Variants in PTPRD observed in about 807,000 individuals in gnomAD.
The protein encoded by PTPRD is receptor-type tyrosine-protein phosphatase delta.
Under a neutral mutation model 214.5 loss-of-function variants are expected in PTPRD, and 34 were observed. That is an observed-to-expected ratio of 0.16 (90% CI 0.12 to 0.21). The LOEUF (loss-of-function observed/expected upper bound fraction) is 0.21, where lower values mean the gene tolerates loss of function less well. PTPRD is among the 10% of genes least tolerant of loss of function. The pLI, the probability that PTPRD is intolerant of heterozygous loss-of-function variation, is 1.00. For missense variants in PTPRD, 2,545 were observed against 2,398.7 expected (o/e 1.06, Z -1.27); for synonymous variants, 1,128 against 845.7 (o/e 1.33, Z -5.79).
chr9:9,230,737 G>C (rs1365426423), intron 9 of PTPRD, among the ~76,000 whole-genome samples: 7 of 152,086 alleles, frequency 4.6e-5, no homozygotes, highest in African/African-American at 9.7e-5. Context: ...TAGAGAAACA[G>C]TGTTTCTCCA....
At chr9:8,660,410 T>C (rs908436007) in intron 12 of PTPRD, among the ~76,000 whole-genome samples, 31 of 152,198 alleles carry the variant, frequency 2.0e-4, no homozygotes, top group Non-Finnish European at 4.4e-4. Context: ...TGGTGGCAGA[T>C]GACTGGGTCA....
At chr9:9,412,157 T>C (rs2075655293) in intron 8 of PTPRD, among the ~76,000 whole-genome samples, 1 of 152,206 alleles carries the variant, frequency 6.6e-6, no homozygotes, top group South Asian at 2.1e-4. Flanking sequence ...CTTTTCTTTT[T>C]TTGGCCAGAA....
chr9:10,241,203 T>C (rs985513355), intron 3 of PTPRD, among the ~76,000 whole-genome samples: 1 of 151,958 alleles, frequency 6.6e-6, no homozygotes, highest in Non-Finnish European at 1.5e-5. Context: ...TTATATCAAG[T>C]GTTAGTGAGG....
At chr9:9,923,636 C>T (rs1448499710) in intron 5 of PTPRD, among the ~76,000 whole-genome samples, 2 of 151,832 alleles carry the variant, frequency 1.3e-5, no homozygotes, top group Non-Finnish European at 2.9e-5. Flanking sequence ...GGGAATCAGG[C>T]TGGCATCAAA....
chr9:10,143,659 T>C lies in PTPRD; in HGVS notation c.-544-109869A>G, dbSNP rs561778627. On this transcript the variant is annotated intron_variant, in intron 3 of 45. Transcript: ENST00000381196. ...AGCAAAGACATGGAGTTAACTCAGG[T>C]GTCCATCAACAGTGGGTTGCATAAA... Among the ~76,000 whole-genome samples, 3 of 152,196 alleles carry C rather than the reference T, an allele frequency of 2.0e-5. No homozygotes were observed. The Middle Eastern group carries it at 0.01, about 518-fold the overall frequency.
intron 8 of PTPRD, among the ~76,000 whole-genome samples, chr9:9,552,989 A>T (rs1321069720): frequency 2.0e-5 from 3 of 152,100 alleles, no homozygotes; most frequent in African/African-American, 7.2e-5. Flanking sequence ...TCCATTTCAA[A>T]AAATGAAAGC....
intron 23 of PTPRD, 106 bp from the exon 24 acceptor site, chr9:8,501,165 T>A (rs2097397121): frequency 1.2e-6 from 1 of 811,682 alleles, no homozygotes; most frequent in Non-Finnish European, 1.9e-6. Flanking sequence ...AAACGAACAA[T>A]AAGGACAAAA....
intron 2 of PTPRD, among the ~76,000 whole-genome samples, chr9:10,538,446 T>C (rs1171952740): frequency 6.6e-6 from 1 of 152,040 alleles, no homozygotes; most frequent in Non-Finnish European, 1.5e-5. Flanking sequence ...AAAAATCAAT[T>C]ATTTTCAGGA....
chr9:8,343,888 G>A lies in PTPRD; in HGVS notation c.4662-1910C>T, dbSNP rs144984905. ...TAAGGTAAGCCTACTTAGGAAGCAG[G>A]ACTCTTCAGACCATGCAAAATCCTA... is the stretch of plus-strand genomic sequence containing the variant. On this transcript the variant is annotated intron_variant, in intron 39 of 45. Coordinates refer to ENST00000381196, the MANE Select transcript of PTPRD (RefSeq NM_002839.4). Among the ~76,000 whole-genome samples, 128 of 152,110 alleles carry A rather than the reference G, an allele frequency of 8.4e-4. 1 individual carries two copies. Among genetic ancestry groups the A allele is most frequent in the African/African-American group, 3.0e-3 (125 of 41,512 alleles).
chr9:9,825,368 G>A (rs905990208), intron 5 of PTPRD, among the ~76,000 whole-genome samples: 1 of 150,570 alleles, frequency 6.6e-6, no homozygotes. Flanking sequence ...GACACAGAGA[G>A]AGACACAGAG....
At chr9:9,132,358 G>A (rs1036054130) in intron 10 of PTPRD, among the ~76,000 whole-genome samples, 3 of 152,118 alleles carry the variant, frequency 2.0e-5, no homozygotes, top group Admixed American at 6.5e-5. Flanking sequence ...TGCATGATTT[G>A]GGTAAAGTCC....
At chr9:8,828,244 T>C (rs1367641884) in intron 11 of PTPRD, among the ~76,000 whole-genome samples, 1 of 152,242 alleles carries the variant, frequency 6.6e-6, no homozygotes, top group Non-Finnish European at 1.5e-5. Flanking sequence ...TGTATCTCCC[T>C]AAATTCATAT....
At chr9:8,995,531 G>C (rs1296497336) in intron 11 of PTPRD, among the ~76,000 whole-genome samples, 5 of 151,906 alleles carry the variant, frequency 3.3e-5, no homozygotes, top group African/African-American at 1.2e-4. Flanking sequence ...AGGTGTATGG[G>C]GCTCTTACAG....
intron 2 of PTPRD, among the ~76,000 whole-genome samples, chr9:10,580,486 T>A (rs2071349291): frequency 6.6e-6 from 1 of 152,192 alleles, no homozygotes; most frequent in African/African-American, 2.4e-5. Flanking sequence ...TTGTTTCCTT[T>A]GTTTTACATT....
At chr9:10,168,011 C>T (rs1220423884) in intron 3 of PTPRD, among the ~76,000 whole-genome samples, 1 of 152,158 alleles carries the variant, frequency 6.6e-6, no homozygotes, top group Non-Finnish European at 1.5e-5. Flanking sequence ...GACCATTATC[C>T]TTGGAAGTGA....
intron 2 of PTPRD, among the ~76,000 whole-genome samples, chr9:10,367,523 G>A (rs13294671): frequency 0.053 from 8,014 of 152,162 alleles, 229 homozygotes; most frequent in South Asian, 0.088. Context: ...AAAGTTTCAC[G>A]TCCTGGAAGC....
chr9:10,074,443 G>A (rs1232872170), intron 3 of PTPRD, among the ~76,000 whole-genome samples: 1 of 152,068 alleles, frequency 6.6e-6, no homozygotes, highest in Admixed American at 6.6e-5. Flanking sequence ...TATTGGCTCA[G>A]TTTGGATCTC....
chr9:9,119,881 G>A (rs2099815987), intron 10 of PTPRD, among the ~76,000 whole-genome samples: 1 of 151,272 alleles, frequency 6.6e-6, no homozygotes, highest in Admixed American at 6.6e-5. Context: ...ACACATGAAA[G>A]TGTATTGTAC....
chr9:8,891,683 C>T (rs1469163506), intron 11 of PTPRD, among the ~76,000 whole-genome samples: 1 of 152,138 alleles, frequency 6.6e-6, no homozygotes. Context: ...TATACTCATA[C>T]ACCTGACATG....
Sources: allele counts gnomAD v4.1 joint callset (sites outside exome capture counted in the v4.1 genomes callset), GRCh38; gene constraint gnomAD v4.1.1; transcripts MANE v1.5; gene names NCBI Gene and HGNC (gene_info 2026-07-23, HGNC 2026-07-21).